NETO1: variants seen among roughly 807,000 people sequenced by gnomAD.
The protein encoded by NETO1 is neuropilin and tolloid-like protein 1.
A neutral mutation model predicts 61.3 loss-of-function variants in NETO1; 26 were observed. The observed-to-expected ratio is 0.42, with a 90% CI of 0.31 to 0.59. The LOEUF (loss-of-function observed/expected upper bound fraction) is 0.59, where lower values mean the gene tolerates loss of function less well. Among genes scored for constraint, NETO1 ranks in the 20% least tolerant of loss-of-function variants. The probability of loss-of-function intolerance (pLI) is 0.12; values close to 1 mark genes in which losing one functional copy is unlikely to be tolerated. For missense variants in NETO1, 531 were observed against 662.8 expected (o/e 0.80, Z 2.18); for synonymous variants, 225 against 225.8 (o/e 1.00, Z 0.03).
Position 72,750,106 on chromosome 18 carries a change from C to T in NETO1, c.1497G>A (p.Pro499=), listed in dbSNP as rs147883512. 4.7e-4 allele frequency: 753 copies of T among 1,608,830 alleles called. No individual in the cohort carries two copies. Among genetic ancestry groups the T allele is most frequent in the Non-Finnish European group, 5.9e-4 (693 of 1,177,638 alleles). ...GTCTGGACAGCCTGTGACTGGTGGT[C>T]GGCACCTCTTCGATTTCATCTATGT... is the stretch of plus-strand genomic sequence containing the variant. ...ACDIDEIEEV[P]TTSHRLSRHD... Residue 499 remains proline (P), a synonymous_variant, in exon 9 of 11, where the codon CCG becomes CCA. Coordinates refer to ENST00000327305, the MANE Select transcript of NETO1 (RefSeq NM_138966.5).
chr18:72,772,982 C>T (rs1207520954), intron 7 of NETO1, among the ~76,000 whole-genome samples: 1 of 150,916 alleles, frequency 6.6e-6, no homozygotes, highest in African/African-American at 2.4e-5. Context: ...AATTAGCCTA[C>T]ACCTATAACA....
chr18:72,806,003 G>A (rs1396532864), intron 4 of NETO1, among the ~76,000 whole-genome samples: 1 of 152,160 alleles, frequency 6.6e-6, no homozygotes, highest in African/African-American at 2.4e-5. Context: ...AGAGCTGTGT[G>A]TTGAAAGCTA....
chr18:72,796,166 T>C lies in NETO1; in HGVS notation c.470-1762A>G, dbSNP rs73966664. 6.4e-3 allele frequency among the ~76,000 whole-genome samples: 976 copies of C among 152,328 alleles called. 10 individuals are homozygous for C. Among genetic ancestry groups the C allele is most frequent in the African/African-American group, 0.022 (923 of 41,572 alleles). ...AGAGATTAGTTTAGGATATTAAGAC[T>C]ACGTGTGCTAATATGTATGTGGGTA... On this transcript the variant is annotated intron_variant, in intron 4 of 10. Transcript: ENST00000327305.
chr18:72,765,675 C>T (rs1460813949), intron 7 of NETO1, among the ~76,000 whole-genome samples: 1 of 152,040 alleles, frequency 6.6e-6, no homozygotes, highest in African/African-American at 2.4e-5. Flanking sequence ...CCTTGGCCTC[C>T]CAAAGTGCTG....
chr18:72,866,359 C>A (rs764185904), intron 1 of NETO1, among the ~76,000 whole-genome samples: 1 of 152,096 alleles, frequency 6.6e-6, no homozygotes, highest in East Asian at 1.9e-4. Context: ...TTACTTTATG[C>A]TCTAGCCAGT....
intron 8 of NETO1, among the ~76,000 whole-genome samples, chr18:72,755,325 G>A (rs576605652): frequency 1.3e-5 from 2 of 152,312 alleles, no homozygotes; most frequent in Middle Eastern, 6.8e-3. Flanking sequence ...TCTATGCACA[G>A]AAGGCTTTTA....
chr18:72,851,558 A>G (rs2074250348), intron 4 of NETO1, among the ~76,000 whole-genome samples: 1 of 152,212 alleles, frequency 6.6e-6, no homozygotes, highest in South Asian at 2.1e-4. Context: ...CTATGTCAGT[A>G]ATAATAGGTA....
intron 4 of NETO1, among the ~76,000 whole-genome samples, chr18:72,815,598 G>A (rs531949055): frequency 2.0e-5 from 3 of 152,170 alleles, no homozygotes; most frequent in East Asian, 3.9e-4. Flanking sequence ...AAATAACAAC[G>A]TGTGATCCCA....
chr18:72,812,056 G>A (rs750336123), intron 4 of NETO1, among the ~76,000 whole-genome samples: 8 of 152,198 alleles, frequency 5.3e-5, no homozygotes, highest in Non-Finnish European at 1.2e-4. Flanking sequence ...TAAGTGTGAT[G>A]CTAACATCTT....
intron 7 of NETO1, among the ~76,000 whole-genome samples, chr18:72,769,940 AGGT>A (rs1191177451): frequency 6.6e-6 from 1 of 152,076 alleles, no homozygotes; most frequent in Non-Finnish European, 1.5e-5. Context: ...TCTGATTCAG[AGGT>A]GATATTCTAT....
At chr18:72,772,815 CTCTCTCTCTCTATATATATATATATATA>C (rs1568187368) in intron 7 of NETO1, among the ~76,000 whole-genome samples, 23 of 53,834 alleles carry the variant, frequency 4.3e-4, no homozygotes, top group Admixed American at 2.1e-3. Flanking sequence ...CTCTCTCTCT[CTCTCTCTCTCTATATATATATATATATA>C]TATATATATA....
At chr18:72,864,699 A>G in intron 3 of NETO1, 109 bp downstream of exon 3, 1 of 1,385,472 alleles carries the variant, frequency 7.2e-7, no homozygotes, top group Non-Finnish European at 1.0e-6. Context: ...TTTGCGCATG[A>G]TCTCCAGATC....
chr18:72,751,815 A>G (rs2070628283), intron 8 of NETO1: 1 of 152,422 alleles, frequency 6.6e-6, no homozygotes, highest in South Asian at 2.1e-4. Flanking sequence ...GGCTGAAAGT[A>G]CAGAAAGCAT....
chr18:72,851,879 G>C (rs987334058), intron 4 of NETO1, among the ~76,000 whole-genome samples: 1 of 152,136 alleles, frequency 6.6e-6, no homozygotes, highest in Non-Finnish European at 1.5e-5. Context: ...TATCAGCACC[G>C]TGCTTATATA....
At chr18:72,750,029 A>T (rs764188790) in intron 9 of NETO1, 33 bp downstream of exon 9, 10 of 1,456,888 alleles carry the variant, frequency 6.9e-6, no homozygotes, top group Non-Finnish European at 6.5e-6. Context: ...TCTTCAGGTT[A>T]TAGTTGTCAT....
At chr18:72,764,821 C>T (rs2071098172) in intron 7 of NETO1, among the ~76,000 whole-genome samples, 1 of 152,152 alleles carries the variant, frequency 6.6e-6, no homozygotes, top group East Asian at 1.9e-4. Context: ...ACCATCCCCT[C>T]AGGTGTTCAG....
rs1451346256 is a variant in NETO1 at position 72,750,416 on chromosome 18, C to T, written c.1187G>A (p.Cys396Tyr). The T allele has an allele frequency of 6.2e-7, 1 of 1,614,130 alleles. No individual in the cohort carries two copies. Among genetic ancestry groups the T allele is most frequent in the East Asian group, 2.2e-5 (1 of 44,866 alleles). The change falls in exon 9 of 11, where the codon TGC becomes TAC. Residue 396 changes from cysteine (C) to tyrosine (Y), a missense_variant. Coordinates refer to ENST00000327305, the MANE Select transcript of NETO1 (RefSeq NM_138966.5). ...EVFEPPHYELCTLRGTGATAD... is the reference protein window; with the variant it reads ...EVFEPPHYELYTLRGTGATAD... ...TGTAGCTCCTGTCCCTCTGAGAGTG[C>T]ATAACTCATAATGAGGAGGTTCAAA...
chr18:72,781,042 T>C (rs2071717283), intron 7 of NETO1, among the ~76,000 whole-genome samples: 2 of 152,192 alleles, frequency 1.3e-5, no homozygotes, highest in Admixed American at 6.5e-5. Context: ...CACATTGAGT[T>C]TGAATGAAAT....
chr18:72,830,252 G>A lies in NETO1; in HGVS notation c.469+28574C>T, dbSNP rs1281857871. Among the ~76,000 whole-genome samples, 3 of 152,146 alleles carry A rather than the reference G, an allele frequency of 2.0e-5. No homozygotes were observed. Among genetic ancestry groups the A allele is most frequent in the East Asian group, 1.9e-4 (1 of 5,198 alleles). ...ACGGGAACAGCAGTGCTATCTTGGT[G>A]CCGGCTTGCGAGAGTAGGCATGGTG... On this transcript the variant is annotated intron_variant, in intron 4 of 10. Coordinates refer to ENST00000327305, the MANE Select transcript of NETO1 (RefSeq NM_138966.5). This position sits in a 1 kb window ranked among gnomAD's most constrained non-coding sequence, Gnocchi z 4.9.
Sources: allele counts gnomAD v4.1 joint callset (sites outside exome capture counted in the v4.1 genomes callset), GRCh38; gene constraint gnomAD v4.1.1; non-coding constraint Gnocchi (gnomAD v3.1); transcripts MANE v1.5; gene names NCBI Gene and HGNC (gene_info 2026-07-23, HGNC 2026-07-21).